Variants in IFFO2 observed in about 807,000 individuals in gnomAD.
The protein encoded by IFFO2 is intermediate filament family orphan 2.
Under a neutral mutation model 53.5 loss-of-function variants are expected in IFFO2, and 19 were observed. That is an observed-to-expected ratio of 0.36 (90% CI 0.25 to 0.52). The LOEUF (loss-of-function observed/expected upper bound fraction) is 0.52, where lower values mean the gene tolerates loss of function less well. Ranked by LOEUF, IFFO2 falls within the 20% of genes least tolerant of loss-of-function variation. IFFO2 has a pLI of 0.94. For missense variants in IFFO2, 570 were observed against 727.4 expected, an observed-to-expected ratio of 0.78 and a Z score of 2.49; for synonymous variants, 303 against 313.6, an observed-to-expected ratio of 0.97 and a Z score of 0.36.
chr1:18,918,221 G>A lies in IFFO2; in HGVS notation c.963+141C>T. Reference sequence around the variant, plus strand: ...TCTACGTTTTCCTGGGGAGGCCACAGGGTCAGGTAGTGCTACCTCTCGGGG... The same window carrying A: ...TCTACGTTTTCCTGGGGAGGCCACAAGGTCAGGTAGTGCTACCTCTCGGGG... On this transcript the variant is annotated intron_variant, in intron 4 of 8. Coordinates refer to ENST00000455833, the MANE Select transcript of IFFO2 (RefSeq NM_001136265.2). The surrounding 1 kb of genome is among the most constrained non-coding windows in gnomAD (Gnocchi z 5.2). The A allele has an allele frequency of 1.3e-6, 1 of 751,972 alleles. No individual in the cohort carries two copies. Among genetic ancestry groups the A allele is most frequent in the Non-Finnish European group, 2.2e-6 (1 of 462,332 alleles). The allele number at this position is 751,972 out of a possible 1,614,324, so 46.6% of individuals were successfully genotyped here. A position where few individuals can be genotyped will look rare whatever the true frequency, so the allele number is the denominator to read the frequency against.
chr1:18,927,245 G>A (rs925670189), intron 1 of IFFO2, among the ~76,000 whole-genome samples: 1 of 152,196 alleles, frequency 6.6e-6, no homozygotes, highest in Non-Finnish European at 1.5e-5. Flanking sequence ...TGGGAGGGAG[G>A]TGTGGAAATG....
At chr1:18,921,181 T>G (rs1936211570) in intron 1 of IFFO2, 60 bp from the exon 2 acceptor site, 1 of 1,440,888 alleles carries the variant, frequency 6.9e-7, no homozygotes, top group Non-Finnish European at 9.6e-7. Flanking sequence ...AGTCCAGCCC[T>G]CAGACACAAC....
intron 1 of IFFO2, among the ~76,000 whole-genome samples, chr1:18,952,912 A>G (rs992584339): frequency 3.4e-4 from 51 of 152,234 alleles, no homozygotes; most frequent in African/African-American, 1.2e-3. Context: ...GCGGTAGTAC[A>G]TGGATGTGGC....
At chr1:18,914,774 G>A (rs1936106955) in intron 5 of IFFO2, among the ~76,000 whole-genome samples, 1 of 140,592 alleles carries the variant, frequency 7.1e-6, no homozygotes, top group Non-Finnish European at 1.5e-5. Flanking sequence ...AGTGAGCTGA[G>A]ATCGCACCAC....
rs1394835638 is a variant in IFFO2, at chr1:18,947,925, C to A, written c.665+7743G>T. On this transcript the variant is annotated intron_variant, in intron 1 of 8. Transcript: ENST00000455833. The surrounding 1 kb of genome is among the most constrained non-coding windows in gnomAD (Gnocchi z 5.0). Reference sequence around the variant, plus strand: ...TCACCCTGAGCCAGCCTTTGGCAACCTCCAGGGGCATGGGACAAGGCCACC... The same window carrying A: ...TCACCCTGAGCCAGCCTTTGGCAACATCCAGGGGCATGGGACAAGGCCACC... Among the ~76,000 whole-genome samples the A allele has an allele frequency of 1.3e-5, 2 of 152,242 alleles. No homozygotes were observed. The highest frequency in any genetic ancestry group is 4.1e-4 in the South Asian group (2 of 4,830).
intron 1 of IFFO2, among the ~76,000 whole-genome samples, chr1:18,954,369 T>G (rs866151980): frequency 1.3e-5 from 2 of 152,274 alleles, no homozygotes; most frequent in African/African-American, 2.4e-5. Flanking sequence ...GGCTTTCAAG[T>G]GATTTGATAA....
intron 1 of IFFO2, among the ~76,000 whole-genome samples, chr1:18,949,125 G>A (rs986702486): frequency 6.6e-6 from 1 of 152,184 alleles, no homozygotes. Context: ...ACAAACAGCC[G>A]AATCCCTGGA....
intron 1 of IFFO2, among the ~76,000 whole-genome samples, chr1:18,949,327 A>G (rs540908761): frequency 1.3e-5 from 2 of 152,338 alleles, no homozygotes; most frequent in East Asian, 1.9e-4. Context: ...CAGTCGATGC[A>G]GGGGCAGACA....
At chr1:18,931,190 C>A (rs896160746) in intron 1 of IFFO2, among the ~76,000 whole-genome samples, 1 of 152,010 alleles carries the variant, frequency 6.6e-6, no homozygotes, top group East Asian at 1.9e-4. Flanking sequence ...ACAAAAAACA[C>A]CTTTGGAGAA....
chr1:18,932,952 G>A (rs1936398202), intron 1 of IFFO2, among the ~76,000 whole-genome samples: 1 of 152,248 alleles, frequency 6.6e-6, no homozygotes, highest in Non-Finnish European at 1.5e-5. Context: ...TGTTTCTGGA[G>A]ACACCCAGGC....
In IFFO2 at chr1:18,947,728, G is replaced by A. The variant is rs183471844; in HGVS notation, c.665+7940C>T. On this transcript the variant is annotated intron_variant, in intron 1 of 8. Transcript: ENST00000455833. This position sits in a 1 kb window ranked among gnomAD's most constrained non-coding sequence, Gnocchi z 5.0. The stretch of plus-strand genomic sequence containing the variant: ...CTGGACAGGCCTGCTACAGTGGCCC[G>A]GGAGCCTCATCTGCCTGCTACTGCC... Among the ~76,000 whole-genome samples the A allele has an allele frequency of 2.1e-3, 320 of 152,316 alleles. 2 individuals carry two copies. The highest frequency in any genetic ancestry group is 2.8e-3 in the Non-Finnish European group (190 of 68,026).
rs1400475889 is a variant in IFFO2 at position 18,955,814 on chromosome 1, G to T, written c.519C>A (p.Gly173=). ...SYTQVRRTGG[G]GVETVQGPGV... ...CGGGGCCCTGCACGGTCTCCACGCC[G>T]CCGCCGCCCGTGCGCCGCACCTGCG... Residue 173 remains glycine (G), a synonymous_variant, in exon 1 of 9, where the codon GGC becomes GGA. Transcript: ENST00000455833. The T allele has an allele frequency of 6.6e-7, 1 of 1,522,796 alleles. No homozygotes were observed. The highest frequency in any genetic ancestry group is 1.2e-5 in the South Asian group (1 of 82,754). 94.3% of individuals were successfully genotyped at this position (1,522,796 alleles called of 1,614,324 possible).
chr1:18,933,339 G>A (rs867689073), intron 1 of IFFO2, among the ~76,000 whole-genome samples: 85 of 152,328 alleles, frequency 5.6e-4, no homozygotes, highest in African/African-American at 1.9e-3. Context: ...AGTTGCCACT[G>A]CCCATTTGTA....
Position 18,918,283 on chromosome 1 carries a change from G to GT in IFFO2, c.963+78dup. The GT allele has an allele frequency of 7.0e-7, 1 of 1,436,512 alleles. No homozygotes were observed. The highest frequency in any genetic ancestry group is 2.1e-5 in the Admixed American group (1 of 48,648). The allele number at this position is 1,436,512 out of a possible 1,614,324, so 89.0% of individuals were successfully genotyped here. On this transcript the variant is annotated intron_variant, in intron 4 of 8. Transcript: ENST00000455833. This position sits in a 1 kb window ranked among gnomAD's most constrained non-coding sequence, Gnocchi z 5.2. ...GTGAGTGGGATGTGGAGGCAAACGG[G>GT]TTGGCCGGGCAGGGGTGGAGGCCAG...
At chr1:18,945,587 A>T (rs1176304616) in intron 1 of IFFO2, among the ~76,000 whole-genome samples, 1 of 152,270 alleles carries the variant, frequency 6.6e-6, no homozygotes, top group East Asian at 1.9e-4. Context: ...TCCATCGAGC[A>T]GCAGATGAGC....
chr1:18,915,285 CT>C (rs1490773250), intron 5 of IFFO2, among the ~76,000 whole-genome samples: 1 of 152,170 alleles, frequency 6.6e-6, no homozygotes, highest in African/African-American at 2.4e-5. Context: ...GTGCCCTGGG[CT>C]TTTGAAACAA....
At position 18,928,395 on chromosome 1, in the gene IFFO2, T is replaced by C. The variant is rs1368239475; in HGVS notation, c.666-7274A>G. 6.6e-6 allele frequency among the ~76,000 whole-genome samples: 1 copy of C among 152,206 alleles called. No individual in the cohort carries two copies. The highest frequency in any genetic ancestry group is 1.5e-5 in the Non-Finnish European group (1 of 68,036). ...CCACGGAGGAGGTATTAATTTAATG[T>C]GAACACTTAACCAGGGCAGCCGATT... is the stretch of plus-strand genomic sequence containing the variant. On this transcript the variant is annotated intron_variant, in intron 1 of 8. Transcript: ENST00000455833. This position sits in a 1 kb window ranked among gnomAD's most constrained non-coding sequence, Gnocchi z 4.9.
At position 18,941,429 on chromosome 1, in the gene IFFO2, C is replaced by T. The variant is rs551695133; in HGVS notation, c.665+14239G>A. Among the ~76,000 whole-genome samples the T allele has an allele frequency of 2.0e-5, 3 of 152,346 alleles. No individual in the cohort carries two copies. The East Asian group carries it at 5.8e-4, about 29-fold the overall frequency. ...CAGATGAAACCCTAAACCAGCTGCC[C>T]TGACGTCAACTCTGGAAAAACAATG... On this transcript the variant is annotated intron_variant, in intron 1 of 8. Coordinates refer to ENST00000455833, the MANE Select transcript of IFFO2 (RefSeq NM_001136265.2).
intron 1 of IFFO2, among the ~76,000 whole-genome samples, chr1:18,927,685 C>G (rs181288716): frequency 6.6e-6 from 1 of 152,276 alleles, no homozygotes; most frequent in Non-Finnish European, 1.5e-5. Context: ...CTGTTCTTCT[C>G]TAAAATAATA....
Sources: allele counts gnomAD v4.1 joint callset (sites outside exome capture counted in the v4.1 genomes callset), GRCh38; gene constraint gnomAD v4.1.1; non-coding constraint Gnocchi (gnomAD v3.1); transcripts MANE v1.5; gene names NCBI Gene and HGNC (gene_info 2026-07-23, HGNC 2026-07-21).